GFOD1: variants seen among roughly 807,000 people sequenced by gnomAD.
The protein encoded by GFOD1 is Gfo/Idh/MocA-like oxidoreductase domain containing 1.
A neutral mutation model predicts 25.4 loss-of-function variants in GFOD1; 9 were observed. The observed-to-expected ratio is 0.35, with a 90% CI of 0.21 to 0.62. GFOD1 has a LOEUF of 0.62. Ranked by LOEUF, GFOD1 falls within the 20% of genes least tolerant of loss-of-function variation. The pLI is 0.72. For missense variants in GFOD1, 403 were observed against 556.9 expected (o/e 0.72, Z 2.78); for synonymous variants, 253 against 245.6 (o/e 1.03, Z -0.28).
At position 13,361,337 on chromosome 6, in the gene GFOD1, T is replaced by A. The variant is rs529393413; in HGVS notation, c.*3406A>T. ...TAAGAACCCTGACCCACACCCTCCCTCATAACTTGGAATCTAGGCCATTCG... is the reference window on the plus strand; with the variant it reads ...TAAGAACCCTGACCCACACCCTCCCACATAACTTGGAATCTAGGCCATTCG... On this transcript the variant is annotated 3_prime_UTR_variant, in exon 2 of 2. Transcript: ENST00000379287. 6 of 160,344 alleles carry A rather than the reference T, an allele frequency of 3.7e-5. No individual in the cohort carries two copies. Among genetic ancestry groups the A allele is most frequent in the African/African-American group, 1.2e-4 (5 of 41,626 alleles). The allele number at this position is 160,344 out of a possible 1,614,324, so 9.9% of individuals were successfully genotyped here. A position where few individuals can be genotyped will look rare whatever the true frequency, so the allele number is the denominator to read the frequency against.
intron 1 of GFOD1, among the ~76,000 whole-genome samples, chr6:13,376,755 C>T (rs955746880): frequency 1.4e-4 from 22 of 152,256 alleles, no homozygotes; most frequent in Non-Finnish European, 2.8e-4. Context: ...CCAAGCATGG[C>T]GTGAAACCTC....
rs116143411 is a variant in GFOD1, at chr6:13,439,324, G to A, written c.253+47314C>T. Among the ~76,000 whole-genome samples, 763 of 152,324 alleles carry A rather than the reference G, an allele frequency of 5.0e-3. 5 individuals carry two copies. The highest frequency in any genetic ancestry group is 0.017 in the African/African-American group (713 of 41,556). Reference sequence around the variant, plus strand: ...TAAGAAAGTGGCACAGTTGTCAGAAGAGGCTCTGATGCTCAGCCATTTCCC... The same window carrying A: ...TAAGAAAGTGGCACAGTTGTCAGAAAAGGCTCTGATGCTCAGCCATTTCCC... On this transcript the variant is annotated intron_variant, in intron 1 of 1. Transcript: ENST00000379287.
At chr6:13,436,451 C>A (rs1371824734) in intron 1 of GFOD1, among the ~76,000 whole-genome samples, 1 of 152,218 alleles carries the variant, frequency 6.6e-6, no homozygotes. Flanking sequence ...GCTCTGCATT[C>A]AATTTCACAT....
chr6:13,459,407 G>C (rs1332526154), intron 1 of GFOD1, among the ~76,000 whole-genome samples: 1 of 151,278 alleles, frequency 6.6e-6, no homozygotes, highest in Non-Finnish European at 1.5e-5. Flanking sequence ...AAAAACCCTA[G>C]AAGAAAATCT....
Position 13,365,696 on chromosome 6 carries a change from C to T in GFOD1, c.254-34G>A, listed in dbSNP as rs1191276915. On this transcript the variant is annotated intron_variant, in intron 1 of 1. Coordinates refer to ENST00000379287, the MANE Select transcript of GFOD1 (RefSeq NM_018988.4). The surrounding 1 kb of genome is among the most constrained non-coding windows in gnomAD (Gnocchi z 9.2). ...GGGAGGAAGACAGCGGTCAGCGGGG[C>T]AGGACCATGTCCGAGCGCGCGTCCC... 1.5e-5 allele frequency: 22 copies of T among 1,476,222 alleles called. No homozygotes were observed. Among genetic ancestry groups the T allele is most frequent in the Non-Finnish European group, 2.0e-5 (22 of 1,073,326 alleles). 91.4% of individuals were successfully genotyped at this position (1,476,222 alleles called of 1,614,324 possible). A position where few individuals can be genotyped will look rare whatever the true frequency, so the allele number is the denominator to read the frequency against.
At chr6:13,393,510 C>G (rs548259) in intron 1 of GFOD1, among the ~76,000 whole-genome samples, 149,907 of 152,020 alleles carry the variant, frequency 0.99, 73,951 homozygotes, top group Middle Eastern at 1. Flanking sequence ...ACAGCAACAG[C>G]GCAGCTCCTG....
intron 1 of GFOD1, among the ~76,000 whole-genome samples, chr6:13,449,049 G>C (rs548748512): frequency 6.6e-6 from 1 of 152,350 alleles, no homozygotes; most frequent in South Asian, 2.1e-4. Flanking sequence ...CACTTTGGGA[G>C]GCTGAGTTGG....
chr6:13,438,774 C>A (rs1205416378), intron 1 of GFOD1, among the ~76,000 whole-genome samples: 5 of 152,118 alleles, frequency 3.3e-5, no homozygotes, highest in African/African-American at 4.8e-5. Context: ...GAAGTCCATA[C>A]CCCAGCCCAG....
intron 1 of GFOD1, among the ~76,000 whole-genome samples, chr6:13,402,297 T>G (rs554814432): frequency 6.6e-6 from 1 of 152,306 alleles, no homozygotes; most frequent in Admixed American, 6.5e-5. Flanking sequence ...TCTCTAGATA[T>G]AATACCAAAA....
rs769991542 is a variant in GFOD1, at chr6:13,358,779, C to A, written c.*5964G>T. On this transcript the variant is annotated 3_prime_UTR_variant, in exon 2 of 2. Coordinates refer to ENST00000379287, the MANE Select transcript of GFOD1 (RefSeq NM_018988.4). Reference sequence around the variant, plus strand: ...TCCATGACTATTGTCTAGCCCCTGCCTACATCTGCCCAGGCAAGCTTTTGA... The same window carrying A: ...TCCATGACTATTGTCTAGCCCCTGCATACATCTGCCCAGGCAAGCTTTTGA... The A allele has an allele frequency of 3.3e-5, 5 of 152,380 alleles. No individual in the cohort carries two copies. Among genetic ancestry groups the A allele is most frequent in the Non-Finnish European group, 7.3e-5 (5 of 68,146 alleles). The allele number at this position is 152,380 out of a possible 1,614,324, so 9.4% of individuals were successfully genotyped here.
chr6:13,416,414 G>T (rs9463755), intron 1 of GFOD1, among the ~76,000 whole-genome samples: 7,037 of 152,260 alleles, frequency 0.046, 437 homozygotes, highest in African/African-American at 0.14. Context: ...TTGTGACATA[G>T]GATAACAAGA....
intron 1 of GFOD1, among the ~76,000 whole-genome samples, chr6:13,472,701 G>C (rs1044642003): frequency 7.9e-5 from 12 of 152,056 alleles, no homozygotes; most frequent in African/African-American, 2.4e-4. Context: ...CTTTTCCATT[G>C]ACCAAAAAAA....
At chr6:13,378,551 T>C (rs1312087391) in intron 1 of GFOD1, among the ~76,000 whole-genome samples, 1 of 152,158 alleles carries the variant, frequency 6.6e-6, no homozygotes, top group Non-Finnish European at 1.5e-5. Flanking sequence ...ACTGAAAGAT[T>C]ATTATCGAGA....
intron 1 of GFOD1, among the ~76,000 whole-genome samples, chr6:13,376,571 C>T (rs1785261309): frequency 1.3e-5 from 2 of 152,098 alleles, no homozygotes; most frequent in African/African-American, 4.8e-5. Context: ...AACATTGGGT[C>T]ACCAGAGTCA....
chr6:13,466,611 G>A (rs1475218340), intron 1 of GFOD1, among the ~76,000 whole-genome samples: 1 of 152,184 alleles, frequency 6.6e-6, no homozygotes, highest in Non-Finnish European at 1.5e-5. Flanking sequence ...CTGACCTGCA[G>A]TTGCTTGGGA....
At chr6:13,369,651 C>T (rs146830011) in intron 1 of GFOD1, among the ~76,000 whole-genome samples, 2 of 152,194 alleles carry the variant, frequency 1.3e-5, no homozygotes, top group Admixed American at 6.5e-5. Context: ...GACAGTGAGA[C>T]CCTGTCTCAA....
chr6:13,390,600 G>A (rs1232429018), intron 1 of GFOD1, among the ~76,000 whole-genome samples: 1 of 145,980 alleles, frequency 6.9e-6, no homozygotes, highest in Non-Finnish European at 1.5e-5. Flanking sequence ...GGTGGTGCAT[G>A]CCTGTAGTCC....
intron 1 of GFOD1, among the ~76,000 whole-genome samples, chr6:13,387,800 T>C (rs1295980864): frequency 6.6e-6 from 1 of 152,180 alleles, no homozygotes; most frequent in African/African-American, 2.4e-5. Flanking sequence ...TAAAGGATAT[T>C]CTATTAGGAA....
At chr6:13,380,994 A>G (rs767152306) in intron 1 of GFOD1, among the ~76,000 whole-genome samples, 2 of 152,204 alleles carry the variant, frequency 1.3e-5, no homozygotes, top group Admixed American at 1.3e-4. Context: ...TCCAAGGGAC[A>G]GTGCTTAATG....
Sources: allele counts gnomAD v4.1 joint callset (sites outside exome capture counted in the v4.1 genomes callset), GRCh38; gene constraint gnomAD v4.1.1; non-coding constraint Gnocchi (gnomAD v3.1); transcripts MANE v1.5; gene names NCBI Gene and HGNC (gene_info 2026-07-23, HGNC 2026-07-21).